The following BACH2 variants were observed in gnomAD, a reference collection of about 807,000 sequenced individuals.
The protein encoded by BACH2 is BACH transcriptional regulator 2.
BACH2 carries 5 observed loss-of-function variants against 61.8 expected under a neutral mutation model. That is an observed-to-expected ratio of 0.08 (90% confidence interval 0.04 to 0.17). The LOEUF (loss-of-function observed/expected upper bound fraction) is 0.17, where lower values mean the gene tolerates loss of function less well. BACH2 is among the 10% of genes least tolerant of loss of function. The pLI is 1.00. For missense variants in BACH2, 824 were observed against 1,091.1 expected, an observed-to-expected ratio of 0.76 and a Z score of 3.45; for synonymous variants, 446 against 440.1, an observed-to-expected ratio of 1.01 and a Z score of -0.17.
intron 3 of BACH2, among the ~76,000 whole-genome samples, chr6:90,233,962 C>T (rs1380340650): frequency 1.3e-5 from 2 of 152,174 alleles, no homozygotes; most frequent in East Asian, 3.8e-4. Context: ...AGACTAAGTG[C>T]TTATAGAACC....
rs184798760 is a variant in BACH2 at position 90,294,655 on chromosome 6, C to A, written c.-446+1825G>T. ...TCATTTTGACTCACGTTTATTATTA[C>A]CTGCAAGAATGAAAAACGCCGTTTA... is the stretch of plus-strand genomic sequence containing the variant. On this transcript the variant is annotated intron_variant, in intron 1 of 8. Transcript: ENST00000257749. 8.1e-4 allele frequency among the ~76,000 whole-genome samples: 124 copies of A among 152,170 alleles called. 2 individuals carry two copies. The East Asian group carries it at 0.02, about 25-fold the overall frequency.
At chr6:89,959,295 GT>G (rs1159925840) in intron 6 of BACH2, among the ~76,000 whole-genome samples, 1 of 152,034 alleles carries the variant, frequency 6.6e-6, no homozygotes, top group Non-Finnish European at 1.5e-5. Context: ...TTTTTGATTA[GT>G]AAAAAAAGGA....
At chr6:90,046,793 A>C (rs1779799456) in intron 5 of BACH2, among the ~76,000 whole-genome samples, 2 of 144,322 alleles carry the variant, frequency 1.4e-5, no homozygotes, top group South Asian at 5.0e-4. Flanking sequence ...CAGAGCTACT[A>C]GAATTTGGTG....
intron 3 of BACH2, among the ~76,000 whole-genome samples, chr6:90,226,496 A>T (rs1769920486): frequency 6.6e-6 from 1 of 151,916 alleles, no homozygotes; most frequent in Non-Finnish European, 1.5e-5. Flanking sequence ...CTGAACATGG[A>T]GTTGTGAAGA....
At chr6:90,293,564 G>A (rs2127894853) in intron 1 of BACH2, among the ~76,000 whole-genome samples, 1 of 152,348 alleles carries the variant, frequency 6.6e-6, no homozygotes, top group Non-Finnish European at 1.5e-5. Flanking sequence ...GCCCAGAAGT[G>A]AAGGGCTGGC....
chr6:90,148,239 A>AT (rs1385177627), intron 4 of BACH2, among the ~76,000 whole-genome samples: 2 of 152,100 alleles, frequency 1.3e-5, no homozygotes, highest in Non-Finnish European at 2.9e-5. Context: ...GAAAAATGTT[A>AT]TTTTTTTCTC....
chr6:90,018,625 T>C (rs1377277245), intron 5 of BACH2, among the ~76,000 whole-genome samples: 1 of 152,248 alleles, frequency 6.6e-6, no homozygotes, highest in African/African-American at 2.4e-5. Context: ...CCAAACACTT[T>C]ATAAACAATA....
Position 90,048,099 on chromosome 6 carries a change from T to C in BACH2, c.-12-39243A>G, listed in dbSNP as rs188493971. Reference sequence around the variant, plus strand: ...TGAAGTGAGGGTATAATAACCGAGATTAGTTTCAGGTCTAGGTCTTTCTAT... The same window carrying C: ...TGAAGTGAGGGTATAATAACCGAGACTAGTTTCAGGTCTAGGTCTTTCTAT... On this transcript the variant is annotated intron_variant, in intron 5 of 8. Coordinates refer to ENST00000257749, the MANE Select transcript of BACH2 (RefSeq NM_021813.4). 3.9e-3 allele frequency among the ~76,000 whole-genome samples: 594 copies of C among 152,074 alleles called. 3 individuals carry two copies. The highest frequency in any genetic ancestry group is 0.02 in the Middle Eastern group (6 of 294).
chr6:90,002,410 C>T (rs144649336), intron 6 of BACH2, among the ~76,000 whole-genome samples: 400 of 152,260 alleles, frequency 2.6e-3, no homozygotes, highest in Middle Eastern at 0.024. Flanking sequence ...GAGTTCTGGC[C>T]ATGTAAGTCC....
At chr6:90,115,417 G>A (rs12197750) in intron 4 of BACH2, among the ~76,000 whole-genome samples, 42,168 of 151,958 alleles carry the variant, frequency 0.28, 7,067 homozygotes, top group Non-Finnish European at 0.38. Context: ...AACAAGCAAC[G>A]GGAAAAAGAC....
At chr6:90,028,001 T>C (rs1778723052) in intron 5 of BACH2, among the ~76,000 whole-genome samples, 1 of 152,208 alleles carries the variant, frequency 6.6e-6, no homozygotes, top group African/African-American at 2.4e-5. Flanking sequence ...TGCTTAAACC[T>C]GGGGAAGGGC....
chr6:89,955,613 A>C (rs1774385940), intron 6 of BACH2, among the ~76,000 whole-genome samples: 1 of 152,200 alleles, frequency 6.6e-6, no homozygotes, highest in Admixed American at 6.5e-5. Flanking sequence ...CAGATACACA[A>C]AACAGAAAGC....
chr6:90,078,135 T>C (rs1562425861), intron 5 of BACH2, among the ~76,000 whole-genome samples: 2 of 152,208 alleles, frequency 1.3e-5, no homozygotes, highest in African/African-American at 4.8e-5. Flanking sequence ...TTATAACAGA[T>C]GCAATATTTT....
intron 6 of BACH2, among the ~76,000 whole-genome samples, chr6:89,975,579 G>C (rs917807864): frequency 1.3e-5 from 2 of 152,136 alleles, no homozygotes; most frequent in Admixed American, 6.5e-5. Flanking sequence ...TTCTTCCTCT[G>C]CCTGGCCGCT....
intron 1 of BACH2, among the ~76,000 whole-genome samples, chr6:90,295,897 G>A (rs2127897033): frequency 6.6e-6 from 1 of 152,298 alleles, no homozygotes; most frequent in African/African-American, 2.4e-5. Flanking sequence ...CGGTCGCGGT[G>A]GTCCGGGCCA....
intron 5 of BACH2, among the ~76,000 whole-genome samples, chr6:90,055,001 G>A (rs1435849353): frequency 3.9e-5 from 6 of 152,298 alleles, no homozygotes; most frequent in Non-Finnish European, 8.8e-5. Flanking sequence ...ACCAAAGGTA[G>A]ATAAAACCAC....
At chr6:89,971,347 T>A (rs1278471598) in intron 6 of BACH2, among the ~76,000 whole-genome samples, 3 of 152,208 alleles carry the variant, frequency 2.0e-5, no homozygotes, top group Non-Finnish European at 4.4e-5. Flanking sequence ...GGGCACCTTT[T>A]CAATATAAGA....
intron 5 of BACH2, among the ~76,000 whole-genome samples, chr6:90,011,627 C>T (rs1473400932): frequency 6.6e-6 from 1 of 152,154 alleles, no homozygotes; most frequent in East Asian, 1.9e-4. Flanking sequence ...GTGTGCATCA[C>T]CGTATCTGGC....
At chr6:90,244,603 C>G (rs376422881) in intron 3 of BACH2, among the ~76,000 whole-genome samples, 1 of 152,328 alleles carries the variant, frequency 6.6e-6, no homozygotes, top group African/African-American at 2.4e-5. Flanking sequence ...CCCCCTCCCC[C>G]CTTCACACGC....
Sources: allele counts gnomAD v4.1 joint callset (sites outside exome capture counted in the v4.1 genomes callset), GRCh38; gene constraint gnomAD v4.1.1; transcripts MANE v1.5; gene names NCBI Gene and HGNC (gene_info 2026-07-23, HGNC 2026-07-21).